CNBD1: variants seen among roughly 807,000 people sequenced by gnomAD.
CNBD1 encodes cyclic nucleotide-binding domain-containing protein 1.
A neutral mutation model predicts 54.4 loss-of-function variants in CNBD1; 71 were observed. The observed-to-expected ratio is 1.30, with a 90% CI of 1.08 to 1.59. The LOEUF is 1.59. Among genes scored for constraint, CNBD1 ranks in the 40% most tolerant of loss-of-function variants. The pLI is 0.00. For synonymous variants in CNBD1, 182 were observed against 170.7 expected, an observed-to-expected ratio of 1.07 and a Z score of -0.51; for missense variants, 659 against 518.0, an observed-to-expected ratio of 1.27 and a Z score of -2.64.
At chr8:87,375,995 A>T (rs954013698) in intron 10 of CNBD1, among the ~76,000 whole-genome samples, 4 of 151,922 alleles carry the variant, frequency 2.6e-5, no homozygotes, top group African/African-American at 9.7e-5. Flanking sequence ...ATATTTAATT[A>T]TGTTGGTTGG....
intron 4 of CNBD1, among the ~76,000 whole-genome samples, chr8:86,970,094 A>G (rs977543081): frequency 6.6e-6 from 1 of 151,956 alleles, no homozygotes; most frequent in African/African-American, 2.4e-5. Context: ...AGTCATTTTT[A>G]TTTACAACTA....
intron 2 of CNBD1, among the ~76,000 whole-genome samples, chr8:87,427,569 A>C (rs1381440796): frequency 6.6e-6 from 1 of 152,202 alleles, no homozygotes; most frequent in East Asian, 1.9e-4. Flanking sequence ...AGTTTGCCCA[A>C]CTATCTGAAT....
intron 4 of CNBD1, among the ~76,000 whole-genome samples, chr8:86,983,237 A>G (rs987828903): frequency 1.3e-5 from 2 of 152,148 alleles, no homozygotes; most frequent in Non-Finnish European, 2.9e-5. Flanking sequence ...GTTTCCCTGC[A>G]CAATCTCTCT....
intron 10 of CNBD1, among the ~76,000 whole-genome samples, chr8:87,372,591 G>T (rs10107962): frequency 0.37 from 56,262 of 151,624 alleles, 10,765 homozygotes; most frequent in Middle Eastern, 0.45. Flanking sequence ...AGTCTATGCT[G>T]TTATAAACAT....
At chr8:86,985,216 G>C (rs1356764430) in intron 4 of CNBD1, among the ~76,000 whole-genome samples, 1 of 152,176 alleles carries the variant, frequency 6.6e-6, no homozygotes, top group Non-Finnish European at 1.5e-5. Context: ...GGCCTCCCCA[G>C]CCATGTGGAA....
intron 4 of CNBD1, among the ~76,000 whole-genome samples, chr8:86,979,141 T>G (rs539757354): frequency 7.9e-5 from 12 of 152,156 alleles, no homozygotes; most frequent in Non-Finnish European, 1.5e-4. Context: ...TCAAAAAGTT[T>G]ATATTTTCCC....
At chr8:87,247,208 G>A (rs768028671) in intron 6 of CNBD1, among the ~76,000 whole-genome samples, 11 of 152,110 alleles carry the variant, frequency 7.2e-5, no homozygotes, top group Non-Finnish European at 1.5e-4. Context: ...GTGATCTCAA[G>A]CAGTTGATTC....
chr8:87,143,444 T>C (rs1015411443), intron 4 of CNBD1, among the ~76,000 whole-genome samples: 3 of 152,204 alleles, frequency 2.0e-5, no homozygotes, highest in African/African-American at 4.8e-5. Context: ...TAGTGTTTGT[T>C]ATTAAACATG....
intron 1 of CNBD1, among the ~76,000 whole-genome samples, chr8:86,867,279 TGTTA>T (rs1380633153): frequency 1.3e-5 from 2 of 152,214 alleles, no homozygotes; most frequent in African/African-American, 4.8e-5. Flanking sequence ...TGAGTTCCAG[TGTTA>T]GTTAAGATTT....
chr8:87,041,248 T>C (rs1293164687), intron 4 of CNBD1, among the ~76,000 whole-genome samples: 1 of 152,068 alleles, frequency 6.6e-6, no homozygotes. Context: ...TGTTTAGCTA[T>C]GGTGTTCAGA....
chr8:87,079,081 A>G (rs2130662457), intron 4 of CNBD1, among the ~76,000 whole-genome samples: 1 of 152,102 alleles, frequency 6.6e-6, no homozygotes, highest in African/African-American at 2.4e-5. Context: ...TTAGTTTCCA[A>G]TTTTAAGACA....
At chr8:87,340,885 G>A (rs1293860717) in intron 8 of CNBD1, among the ~76,000 whole-genome samples, 1 of 151,802 alleles carries the variant, frequency 6.6e-6, no homozygotes, top group East Asian at 1.9e-4. Context: ...CATTTCTTTA[G>A]TGTCAGTTTC....
At chr8:87,360,529 G>C (rs560769464) in intron 10 of CNBD1, among the ~76,000 whole-genome samples, 63 of 151,862 alleles carry the variant, frequency 4.1e-4, no homozygotes, top group South Asian at 1.5e-3. Context: ...TCTTTGTCCA[G>C]ATGCAGAGCT....
At chr8:87,013,212 C>A (rs572060949) in intron 4 of CNBD1, among the ~76,000 whole-genome samples, 3 of 152,248 alleles carry the variant, frequency 2.0e-5, no homozygotes, top group African/African-American at 7.2e-5. Context: ...TTAGGTTAAA[C>A]GTCCTTGATT....
At chr8:87,378,210 A>G (rs1404291550) in intron 10 of CNBD1, among the ~76,000 whole-genome samples, 8 of 141,668 alleles carry the variant, frequency 5.6e-5, no homozygotes, top group East Asian at 2.0e-4. Context: ...TTGGTGTTTT[A>G]GACATGAAGT....
At chr8:86,967,192 C>T (rs960722380) in intron 4 of CNBD1, among the ~76,000 whole-genome samples, 13 of 152,194 alleles carry the variant, frequency 8.5e-5, no homozygotes, top group African/African-American at 3.1e-4. Context: ...GGGGTCCTTC[C>T]TGGGGCTTCC....
At chr8:87,152,165 C>T (rs1287472224) in intron 4 of CNBD1, among the ~76,000 whole-genome samples, 2 of 151,830 alleles carry the variant, frequency 1.3e-5, no homozygotes, top group African/African-American at 4.8e-5. Context: ...CTGTAAGTTA[C>T]ACCCAGAGTG....
intron 3 of CNBD1, among the ~76,000 whole-genome samples, chr8:86,929,596 G>T (rs1198457587): frequency 6.6e-6 from 1 of 152,182 alleles, no homozygotes; most frequent in African/African-American, 2.4e-5. Context: ...TGCTCGATTG[G>T]TTCCCCATCC....
intron 4 of CNBD1, among the ~76,000 whole-genome samples, chr8:87,151,282 G>A (rs190829203): frequency 6.6e-6 from 1 of 152,106 alleles, no homozygotes; most frequent in African/African-American, 2.4e-5. Flanking sequence ...CAAATACCAA[G>A]TATCTACAAT....
Sources: allele counts gnomAD v4.1 joint callset (sites outside exome capture counted in the v4.1 genomes callset), GRCh38; gene constraint gnomAD v4.1.1; transcripts MANE v1.5; gene names NCBI Gene and HGNC (gene_info 2026-07-23, HGNC 2026-07-21).